The following H2AC6 variants were observed in gnomAD, a reference collection of about 807,000 sequenced individuals.
H2AC6 encodes the protein H2A clustered histone 6.
A neutral mutation model predicts 6.8 loss-of-function variants in H2AC6; 5 were observed. The observed-to-expected ratio is 0.73, with a 90% confidence interval of 0.38 to 1.54. The LOEUF (loss-of-function observed/expected upper bound fraction) is 1.54, where lower values mean the gene tolerates loss of function less well. Ranked by LOEUF, H2AC6 falls within the 40% of genes most tolerant of loss-of-function variation. The pLI, the probability that H2AC6 is intolerant of heterozygous loss-of-function variation, is 0.03. For missense variants in H2AC6, 154 were observed against 180.7 expected (o/e 0.85, Z 0.85); for synonymous variants, 146 against 79.2 (o/e 1.84, Z -4.48).
At position 26,124,359 on chromosome 6, in the gene H2AC6, C is replaced by T. The variant is rs1473289940; in HGVS notation, c.127C>T (p.Arg43Trp). The T allele has an allele frequency of 1.2e-6, 2 of 1,614,082 alleles. No homozygotes were observed. The highest frequency in any genetic ancestry group is 2.2e-5 in the East Asian group (1 of 44,880). The stretch of plus-strand genomic sequence containing the variant: ...GCTCCGTAAAGGCAACTACGCAGAG[C>T]GGGTTGGGGCAGGCGCGCCGGTGTA... The part of the protein sequence containing the change: ...RLLRKGNYAE[R>W]VGAGAPVYLA... The change falls in exon 1 of 1, where the codon CGG (arginine) becomes TGG (tryptophan). Residue 43 changes from arginine to tryptophan, a missense_variant. This residue lies in a region of H2AC6 where 111 missense variants were observed against 91.9 expected (regional missense o/e 1.21). Coordinates refer to ENST00000377791, the MANE Select transcript of H2AC6 (RefSeq NM_003512.4).
Position 26,124,207 on chromosome 6 carries a change from G to C in H2AC6, c.-26G>C. On this transcript the variant is annotated 5_prime_UTR_variant, in exon 1 of 1. Coordinates refer to ENST00000377791, the MANE Select transcript of H2AC6 (RefSeq NM_003512.4). Reference sequence around the variant, plus strand: ...GTTTTCTCGTGAGCTTAGGCCGCTGGTTTTGGTGATTTTTGTCTGATTGCA... The same window carrying C: ...GTTTTCTCGTGAGCTTAGGCCGCTGCTTTTGGTGATTTTTGTCTGATTGCA... 2 of 1,552,278 alleles carry C rather than the reference G, an allele frequency of 1.3e-6. No homozygotes were observed. Among genetic ancestry groups the C allele is most frequent in the Non-Finnish European group, 1.7e-6 (2 of 1,151,492 alleles).
At position 26,124,204 on chromosome 6, in the gene H2AC6, C is replaced by G. The variant is rs1024787928; in HGVS notation, c.-29C>G. On this transcript the variant is annotated 5_prime_UTR_variant, in exon 1 of 1. Transcript: ENST00000377791. ...TTTGTTTTCTCGTGAGCTTAGGCCG[C>G]TGGTTTTGGTGATTTTTGTCTGATT... The G allele has an allele frequency of 3.2e-6, 5 of 1,549,748 alleles. No homozygotes were observed. Among genetic ancestry groups the G allele is most frequent in the Admixed American group, 4.1e-5 (2 of 48,828 alleles).
At position 26,124,631 on chromosome 6, in the gene H2AC6, C is replaced by G; in HGVS notation, c.*6C>G. The G allele has an allele frequency of 6.2e-7, 1 of 1,610,680 alleles. No individual in the cohort carries two copies. Among genetic ancestry groups the G allele is most frequent in the Non-Finnish European group, 8.5e-7 (1 of 1,177,492 alleles). The stretch of plus-strand genomic sequence containing the variant: ...ACAAGGCCAAGGGCAAGTGATTTGA[C>G]AGGTATCTGAGCTCCCGGAAACGCT... On this transcript the variant is annotated 3_prime_UTR_variant, in exon 1 of 1. Transcript: ENST00000377791.
In H2AC6 at chr6:26,124,243, G is replaced by A; in HGVS notation, c.11G>A (p.Arg4His). The A allele has an allele frequency of 6.3e-7, 1 of 1,595,604 alleles. No homozygotes were observed. Among genetic ancestry groups the A allele is most frequent in the Non-Finnish European group, 8.5e-7 (1 of 1,170,294 alleles). The change falls in exon 1 of 1, where the codon CGT becomes CAT. Residue 4 changes from arginine to histidine, a missense_variant. Arg to His is a conservative substitution (Grantham distance 29, BLOSUM62 0). Coordinates refer to ENST00000377791, the MANE Select transcript of H2AC6 (RefSeq NM_003512.4). Reference sequence around the variant, plus strand: ...TTTTGTCTGATTGCAATGTCTGGACGTGGTAAGCAAGGAGGCAAAGCTCGC... The same window carrying A: ...TTTTGTCTGATTGCAATGTCTGGACATGGTAAGCAAGGAGGCAAAGCTCGC... Reference protein sequence around the residue: MSGRGKQGGKARAK... With the variant: MSGHGKQGGKARAK...
chr6:26,124,684 C>T lies in H2AC6; in HGVS notation c.*59C>T, dbSNP rs1002069803. The T allele has an allele frequency of 5.1e-6, 8 of 1,554,900 alleles. No homozygotes were observed. The highest frequency in any genetic ancestry group is 7.0e-6 in the Non-Finnish European group (8 of 1,149,514). On this transcript the variant is annotated 3_prime_UTR_variant, in exon 1 of 1. Coordinates refer to ENST00000377791, the MANE Select transcript of H2AC6 (RefSeq NM_003512.4). ...CAAACCCAAAGGCTCTTTTCAGAGCCCCCCTACCGTTTCAAAGGAAGAGCT... is the reference window on the plus strand; with the variant it reads ...CAAACCCAAAGGCTCTTTTCAGAGCTCCCCTACCGTTTCAAAGGAAGAGCT...
rs747391112 is a variant in H2AC6, at chr6:26,124,469, C to T, written c.237C>T (p.Ile79=). The change falls in exon 1 of 1, where the codon ATC becomes ATT. Residue 79 remains isoleucine, a synonymous_variant. Coordinates refer to ENST00000377791, the MANE Select transcript of H2AC6 (RefSeq NM_003512.4). ...NAARDNKKTR[I]IPRHLQLAIR... ...CTCGCGACAACAAGAAGACTCGCATCATCCCGCGCCACTTGCAGCTGGCCA... is the reference window on the plus strand; with the variant it reads ...CTCGCGACAACAAGAAGACTCGCATTATCCCGCGCCACTTGCAGCTGGCCA... 14 of 1,614,222 alleles carry T rather than the reference C, an allele frequency of 8.7e-6. No individual in the cohort carries two copies. Among genetic ancestry groups the T allele is most frequent in the Middle Eastern group, 1.7e-4 (1 of 6,060 alleles).
At position 26,124,359 on chromosome 6, in the gene H2AC6, C is replaced by CGAA; in HGVS notation, c.128_129insAAG (p.Arg43dup). On this transcript the variant is annotated inframe_insertion, in exon 1 of 1. Coordinates refer to ENST00000377791, the MANE Select transcript of H2AC6 (RefSeq NM_003512.4). ...GCTCCGTAAAGGCAACTACGCAGAG[C>CGAA]GGGTTGGGGCAGGCGCGCCGGTGTA... The CGAA allele has an allele frequency of 6.2e-7, 1 of 1,614,082 alleles. No individual in the cohort carries two copies. Among genetic ancestry groups the CGAA allele is most frequent in the South Asian group, 1.1e-5 (1 of 91,070 alleles).
rs1224229152 is a variant in H2AC6, at chr6:26,124,565, C to T, written c.333C>T (p.Asn111=). ...TTGCTCAGGGCGGCGTCCTTCCTAA[C>T]ATCCAGGCCGTGCTTCTGCCTAAGA... The part of the protein sequence containing the change: ...VTIAQGGVLP[N]IQAVLLPKKT... The change falls in exon 1 of 1, where the codon AAC becomes AAT. Residue 111 remains asparagine (N), a synonymous_variant. Coordinates refer to ENST00000377791, the MANE Select transcript of H2AC6 (RefSeq NM_003512.4). The T allele has an allele frequency of 4.3e-6, 7 of 1,614,116 alleles. No homozygotes were observed. Among genetic ancestry groups the T allele is most frequent in the Middle Eastern group, 1.6e-4 (1 of 6,084 alleles).
Position 26,124,273 on chromosome 6 carries a change from A to G in H2AC6, c.41A>G (p.Lys14Arg). The G allele has an allele frequency of 6.2e-7, 1 of 1,608,502 alleles. No homozygotes were observed. Among genetic ancestry groups the G allele is most frequent in the Non-Finnish European group, 8.5e-7 (1 of 1,176,986 alleles). The change falls in exon 1 of 1, where the codon AAA becomes AGA. Residue 14 changes from lysine to arginine, a missense_variant. By Grantham distance (26) the Lys-to-Arg change is conservative. Coordinates refer to ENST00000377791, the MANE Select transcript of H2AC6 (RefSeq NM_003512.4). Reference sequence around the variant, plus strand: ...AAGCAAGGAGGCAAAGCTCGCGCCAAAGCGAAATCCCGCTCTTCTCGCGCT... The same window carrying G: ...AAGCAAGGAGGCAAAGCTCGCGCCAGAGCGAAATCCCGCTCTTCTCGCGCT... Reference protein sequence around the residue: ...RGKQGGKARAKAKSRSSRAGL... With the variant: ...RGKQGGKARARAKSRSSRAGL...
In H2AC6 at chr6:26,124,613, C is replaced by A; in HGVS notation, c.381C>A (p.Ala127=). ...LPKKTESHHK[A]KGK is the part of the protein sequence containing the mutation. ...AGAAGACCGAGAGTCACCACAAGGC[C>A]AAGGGCAAGTGATTTGACAGGTATC... is the stretch of plus-strand genomic sequence containing the variant. Residue 127 remains alanine, a synonymous_variant, in exon 1 of 1, where the codon GCC becomes GCA. Coordinates refer to ENST00000377791, the MANE Select transcript of H2AC6 (RefSeq NM_003512.4). The A allele has an allele frequency of 2.5e-6, 4 of 1,613,362 alleles. No individual in the cohort carries two copies. The highest frequency in any genetic ancestry group is 3.4e-6 in the Non-Finnish European group (4 of 1,179,394).
Position 26,124,428 on chromosome 6 carries a change from C to T in H2AC6, c.196C>T (p.Leu66=), listed in dbSNP as rs2113801418. ...LEYLTAEILE[L]AGNAARDNKK... ...GTACCTGACCGCCGAGATCCTGGAG[C>T]TGGCCGGCAACGCGGCTCGCGACAA... The change falls in exon 1 of 1, where the codon CTG becomes TTG. Residue 66 remains leucine, a synonymous_variant. Coordinates refer to ENST00000377791, the MANE Select transcript of H2AC6 (RefSeq NM_003512.4). 13 of 1,614,068 alleles carry T rather than the reference C, an allele frequency of 8.1e-6. No homozygotes were observed. Among genetic ancestry groups the T allele is most frequent in the South Asian group, 1.1e-5 (1 of 91,052 alleles).
Position 26,124,261 on chromosome 6 carries a change from A to G in H2AC6, c.29A>G (p.Lys10Arg), listed in dbSNP as rs1440517920. The change falls in exon 1 of 1, where the codon AAA becomes AGA. Residue 10 changes from lysine to arginine, a missense_variant. Lys to Arg is a conservative substitution (Grantham distance 26). Around this residue, in one of 2 missense-constraint regions of H2AC6, gnomAD observed 111 missense variants for 91.9 expected, o/e 1.21. Transcript: ENST00000377791. Reference sequence around the variant, plus strand: ...TCTGGACGTGGTAAGCAAGGAGGCAAAGCTCGCGCCAAAGCGAAATCCCGC... The same window carrying G: ...TCTGGACGTGGTAAGCAAGGAGGCAGAGCTCGCGCCAAAGCGAAATCCCGC... The part of the protein sequence containing the change: MSGRGKQGG[K>R]ARAKAKSRSS... 1.2e-6 allele frequency: 2 copies of G among 1,604,320 alleles called. No individual in the cohort carries two copies. The highest frequency in any genetic ancestry group is 1.7e-6 in the Non-Finnish European group (2 of 1,174,808).
chr6:26,124,682 GC>G lies in H2AC6; in HGVS notation c.*63del. ...ATCAAACCCAAAGGCTCTTTTCAGA[GC>G]CCCCCTACCGTTTCAAAGGAAGAGC... On this transcript the variant is annotated 3_prime_UTR_variant, in exon 1 of 1. Transcript: ENST00000377791. 9 of 1,570,770 alleles carry G rather than the reference GC, an allele frequency of 5.7e-6. No individual in the cohort carries two copies. The highest frequency in any genetic ancestry group is 1.2e-5 in the South Asian group (1 of 85,178).
At position 26,124,377 on chromosome 6, in the gene H2AC6, C is replaced by T. The variant is rs1314349557; in HGVS notation, c.145C>T (p.Pro49Ser). The T allele has an allele frequency of 6.2e-7, 1 of 1,614,138 alleles. No homozygotes were observed. The highest frequency in any genetic ancestry group is 1.1e-5 in the South Asian group (1 of 91,074). The stretch of plus-strand genomic sequence containing the variant: ...CGCAGAGCGGGTTGGGGCAGGCGCG[C>T]CGGTGTACCTGGCGGCGGTGTTAGA... ...NYAERVGAGAPVYLAAVLEYL... is the reference protein window; with the variant it reads ...NYAERVGAGASVYLAAVLEYL... Residue 49 changes from proline (P) to serine (S), a missense_variant, in exon 1 of 1, where the codon CCG becomes TCG. Physicochemically the swap from Pro to Ser is moderately conservative, Grantham distance 74. Coordinates refer to ENST00000377791, the MANE Select transcript of H2AC6 (RefSeq NM_003512.4).
Position 26,124,373 on chromosome 6 carries a change from CGCGCCGGTGTACCTG to C in H2AC6, c.145_159del (p.Pro49_Ala53del). The C allele has an allele frequency of 2.5e-6, 4 of 1,614,086 alleles. No homozygotes were observed. The highest frequency in any genetic ancestry group is 3.4e-6 in the Non-Finnish European group (4 of 1,180,012). On this transcript the variant is annotated inframe_deletion, in exon 1 of 1. Coordinates refer to ENST00000377791, the MANE Select transcript of H2AC6 (RefSeq NM_003512.4). ...ACTACGCAGAGCGGGTTGGGGCAGG[CGCGCCGGTGTACCTG>C]GCGGCGGTGTTAGAGTACCTGACCG...
rs752629342 is a variant in H2AC6, at chr6:26,124,352, C to T, written c.120C>T (p.Tyr40=). 9 of 1,614,110 alleles carry T rather than the reference C, an allele frequency of 5.6e-6. No individual in the cohort carries two copies. Among genetic ancestry groups the T allele is most frequent in the Admixed American group, 5.0e-5 (3 of 60,016 alleles). The change falls in exon 1 of 1, where the codon TAC becomes TAT. Residue 40 remains tyrosine (Y), a synonymous_variant. Coordinates refer to ENST00000377791, the MANE Select transcript of H2AC6 (RefSeq NM_003512.4). ...ACCGCCTGCTCCGTAAAGGCAACTA[C>T]GCAGAGCGGGTTGGGGCAGGCGCGC... ...RVHRLLRKGN[Y]AERVGAGAPV...
Position 26,124,335 on chromosome 6 carries a change from C to A in H2AC6, c.103C>A (p.Leu35Ile). 6.2e-7 allele frequency: 1 copy of A among 1,614,018 alleles called. No individual in the cohort carries two copies. Among genetic ancestry groups the A allele is most frequent in the Non-Finnish European group, 8.5e-7 (1 of 1,179,978 alleles). Reference protein sequence around the residue: ...QFPVGRVHRLLRKGNYAERVG... With the variant: ...QFPVGRVHRLIRKGNYAERVG... ...CCCGGTGGGCCGAGTGCACCGCCTG[C>A]TCCGTAAAGGCAACTACGCAGAGCG... Residue 35 changes from leucine (L) to isoleucine (I), a missense_variant, in exon 1 of 1, where the codon CTC (leucine) becomes ATC (isoleucine). Physicochemically the swap from Leu to Ile is conservative, Grantham distance 5. Around this residue, in one of 2 missense-constraint regions of H2AC6, gnomAD observed 111 missense variants for 91.9 expected, o/e 1.21. Coordinates refer to ENST00000377791, the MANE Select transcript of H2AC6 (RefSeq NM_003512.4).
At position 26,124,179 on chromosome 6, in the gene H2AC6, T is replaced by A; in HGVS notation, c.-54T>A. On this transcript the variant is annotated 5_prime_UTR_variant, in exon 1 of 1. Coordinates refer to ENST00000377791, the MANE Select transcript of H2AC6 (RefSeq NM_003512.4). ...ATGTTTTACATATTTCTTGATTTTG[T>A]TTGTTTTCTCGTGAGCTTAGGCCGC... is the stretch of plus-strand genomic sequence containing the variant. 6.5e-7 allele frequency: 1 copy of A among 1,526,870 alleles called. No individual in the cohort carries two copies. Among genetic ancestry groups the A allele is most frequent in the Non-Finnish European group, 8.8e-7 (1 of 1,140,358 alleles). The allele number at this position is 1,526,870 out of a possible 1,614,324, so 94.6% of individuals were successfully genotyped here.
In H2AC6 at chr6:26,124,240, G is replaced by C. The variant is rs763358244; in HGVS notation, c.8G>C (p.Gly3Ala). 4 of 1,594,278 alleles carry C rather than the reference G, an allele frequency of 2.5e-6. No individual in the cohort carries two copies. Among genetic ancestry groups the C allele is most frequent in the Non-Finnish European group, 3.4e-6 (4 of 1,169,576 alleles). The part of the protein sequence containing the change: MS[G>A]RGKQGGKARA... ...GATTTTTGTCTGATTGCAATGTCTG[G>C]ACGTGGTAAGCAAGGAGGCAAAGCT... The change falls in exon 1 of 1, where the codon GGA (glycine) becomes GCA (alanine). Residue 3 changes from glycine (G) to alanine (A), a missense_variant. Transcript: ENST00000377791.
Sources: gnomAD v4.1 joint callset for allele counts on GRCh38, gnomAD v4.1.1 for gene constraint, gnomAD v4.1.1 regional missense constraint, MANE v1.5 for transcripts, NCBI Gene and HGNC (gene_info 2026-07-23, HGNC 2026-07-21) for gene names.